Variants in KLF15 observed in about 807,000 individuals in gnomAD.
KLF15 encodes the protein KLF transcription factor 15, also known as Krueppel-like factor 15.
In KLF15, 4 loss-of-function variants were observed where a neutral mutation model predicts 24.6. That is an observed-to-expected ratio of 0.16 (90% CI 0.08 to 0.37). The LOEUF (loss-of-function observed/expected upper bound fraction) is 0.37, where lower values mean the gene tolerates loss of function less well. Ranked by LOEUF, KLF15 falls within the 10% of genes least tolerant of loss-of-function variation. The pLI is 1.00. For missense variants in KLF15, 496 were observed against 560.6 expected (o/e 0.88, Z 1.16); for synonymous variants, 246 against 236.3 (o/e 1.04, Z -0.37).
intron 2 of KLF15, among the ~76,000 whole-genome samples, chr3:126,350,793 C>T (rs927987456): frequency 5.3e-5 from 8 of 152,380 alleles, no homozygotes; most frequent in South Asian, 2.1e-4. Context: ...TGCACACACA[C>T]AGCCACACAC....
chr3:126,313,177 A>G, the KLF15 span, among the ~76,000 whole-genome samples: 1 of 152,210 alleles, frequency 6.6e-6, no homozygotes, highest in African/African-American at 2.4e-5. Context: ...GAGACCCCAG[A>G]GATGCAAGTG....
the KLF15 span, among the ~76,000 whole-genome samples, chr3:126,306,336 T>C: frequency 1.3e-5 from 2 of 152,208 alleles, no homozygotes; most frequent in Non-Finnish European, 2.9e-5. Context: ...ACAGAAGTCC[T>C]GGTGGATATC....
chr3:126,290,506 ACCTTCCTT>A, the KLF15 span, among the ~76,000 whole-genome samples: 911 of 144,708 alleles, frequency 6.3e-3, 3 homozygotes, highest in Non-Finnish European at 7.6e-3. Context: ...CTTCCTTCCT[ACCTTCCTT>A]CCTTCCTTCC....
the KLF15 span, among the ~76,000 whole-genome samples, chr3:126,305,673 C>T: frequency 6.6e-6 from 1 of 152,164 alleles, no homozygotes; most frequent in Non-Finnish European, 1.5e-5. Flanking sequence ...TTTCTAGCCT[C>T]TGGTGTGGGA....
the KLF15 span, chr3:126,291,017 C>T: frequency 1.3e-5 from 2 of 152,220 alleles, no homozygotes; most frequent in Admixed American, 1.3e-4. Context: ...ACCAGGAACC[C>T]TCAGCAGCCG....
At chr3:126,288,921 C>G in the KLF15 span, 1 of 152,172 alleles carries the variant, frequency 6.6e-6, no homozygotes, top group African/African-American at 2.4e-5. Context: ...ACTTGAGAAG[C>G]TGATTTGAAA....
At chr3:126,348,310 C>T (rs186874077) in intron 2 of KLF15, among the ~76,000 whole-genome samples, 54 of 152,294 alleles carry the variant, frequency 3.5e-4, no homozygotes, top group African/African-American at 1.3e-3. Context: ...TTGCTCAGAG[C>T]AGTGCCAAGT....
chr3:126,301,385 G>C, the KLF15 span, among the ~76,000 whole-genome samples: 3 of 152,122 alleles, frequency 2.0e-5, no homozygotes, highest in Admixed American at 2.0e-4. Flanking sequence ...AATCAGATCT[G>C]CTCTTCTGGC....
At chr3:126,357,072 C>A (rs962580402) in intron 1 of KLF15, among the ~76,000 whole-genome samples, 165 bp downstream of exon 1, 1 of 151,660 alleles carries the variant, frequency 6.6e-6, no homozygotes. Flanking sequence ...GACCCCTGCC[C>A]ACCTCCGCGG....
downstream of KLF15, among the ~76,000 whole-genome samples, chr3:126,340,374 C>G (rs2082470919): frequency 6.6e-6 from 1 of 152,232 alleles, no homozygotes. Context: ...CTGCTTCTCC[C>G]AGCTGGCCCA....
intron 2 of KLF15, among the ~76,000 whole-genome samples, chr3:126,346,952 G>A (rs1361740948): frequency 6.6e-6 from 1 of 152,200 alleles, no homozygotes; most frequent in African/African-American, 2.4e-5. Flanking sequence ...TGTGAGGATT[G>A]TACAAGGCAA....
At position 126,343,530 on chromosome 3, in the gene KLF15, G is replaced by A. The variant is rs2082500283; in HGVS notation, c.*197C>T. The A allele has an allele frequency of 3.6e-6, 2 of 556,172 alleles. No individual in the cohort carries two copies. Among genetic ancestry groups the A allele is most frequent in the Non-Finnish European group, 6.2e-6 (2 of 324,836 alleles). 34.5% of individuals were successfully genotyped at this position (556,172 alleles called of 1,614,324 possible). On this transcript the variant is annotated 3_prime_UTR_variant, in exon 3 of 3. Transcript: ENST00000296233. Reference sequence around the variant, plus strand: ...CGTGCGCCTGGGGCCCAGCCCCCAGGGACGCGGGTTCGAGGCTCTAAGTAC... The same window carrying A: ...CGTGCGCCTGGGGCCCAGCCCCCAGAGACGCGGGTTCGAGGCTCTAAGTAC...
chr3:126,294,901 A>G, the KLF15 span, among the ~76,000 whole-genome samples: 1 of 147,668 alleles, frequency 6.8e-6, no homozygotes, highest in African/African-American at 2.5e-5. Context: ...ACACACACAC[A>G]CACAGATACG....
At chr3:126,307,505 G>A in the KLF15 span, among the ~76,000 whole-genome samples, 1 of 152,156 alleles carries the variant, frequency 6.6e-6, no homozygotes, top group African/African-American at 2.4e-5. Context: ...AAGGGGAATT[G>A]TTAGAATGCA....
the KLF15 span, among the ~76,000 whole-genome samples, chr3:126,327,027 G>A: frequency 2.0e-5 from 3 of 152,228 alleles, no homozygotes; most frequent in South Asian, 6.2e-4. Flanking sequence ...ATGAAGATGG[G>A]TGCAGGACTG....
rs1480038132 is a variant in KLF15 at position 126,343,501 on chromosome 3, G to A, written c.*226C>T. ...ACGAAGGCACGAAGGCCTGCCTCCAGCCCCGTGCGCCTGGGGCCCAGCCCC... is the reference window on the plus strand; with the variant it reads ...ACGAAGGCACGAAGGCCTGCCTCCAACCCCGTGCGCCTGGGGCCCAGCCCC... On this transcript the variant is annotated 3_prime_UTR_variant, in exon 3 of 3. Transcript: ENST00000296233. 14 of 500,326 alleles carry A rather than the reference G, an allele frequency of 2.8e-5. No individual in the cohort carries two copies. Among genetic ancestry groups the A allele is most frequent in the Non-Finnish European group, 4.5e-5 (13 of 288,838 alleles). 31.0% of individuals were successfully genotyped at this position (500,326 alleles called of 1,614,324 possible).
downstream of KLF15, among the ~76,000 whole-genome samples, chr3:126,340,960 C>T (rs1276201731): frequency 3.3e-5 from 5 of 152,212 alleles, no homozygotes; most frequent in African/African-American, 1.2e-4. Flanking sequence ...TCCAGAGTCA[C>T]TTACCACGTG....
chr3:126,344,242 TA>T (rs1269866365), intron 2 of KLF15, among the ~76,000 whole-genome samples: 3 of 152,164 alleles, frequency 2.0e-5, no homozygotes, highest in Middle Eastern at 6.8e-3. Flanking sequence ...TATTTTTTTT[TA>T]GAGACCAGGC....
chr3:126,320,054 A>G, the KLF15 span, among the ~76,000 whole-genome samples: 7 of 152,172 alleles, frequency 4.6e-5, no homozygotes, highest in African/African-American at 1.7e-4. Context: ...AGGCTTAAGC[A>G]TACTTTGGGC....
Sources: allele counts gnomAD v4.1 joint callset (sites outside exome capture counted in the v4.1 genomes callset), GRCh38; gene constraint gnomAD v4.1.1; transcripts MANE v1.5; gene names NCBI Gene and HGNC (gene_info 2026-07-23, HGNC 2026-07-21).